SRSF7: variants seen among roughly 807,000 people sequenced by gnomAD.
SRSF7 encodes the protein serine/arginine-rich splicing factor 7.
In SRSF7, 15 loss-of-function variants were observed where a neutral mutation model predicts 42.2. The ratio of observed to expected loss-of-function variants is 0.36; its 90% CI spans 0.24 to 0.55. The LOEUF is 0.55. SRSF7 is among the 20% of genes least tolerant of loss of function. The probability of loss-of-function intolerance (pLI) is 0.88; values close to 1 mark genes in which losing one functional copy is unlikely to be tolerated. For missense variants in SRSF7, 181 were observed against 305.9 expected (o/e 0.59, Z 3.04); for synonymous variants, 138 against 107.9 (o/e 1.28, Z -1.73).
intron 7 of SRSF7, 138 bp from the exon 8 acceptor site, chr2:38,745,325 T>C (rs1239500501): frequency 1.2e-6 from 1 of 854,836 alleles, no homozygotes; most frequent in Non-Finnish European, 1.9e-6. Flanking sequence ...GACATGAAAC[T>C]TACATATATT....
upstream of SRSF7, chr2:38,751,390 A>C (rs1042240009): frequency 1.7e-6 from 2 of 1,191,836 alleles, no homozygotes; most frequent in Non-Finnish European, 2.4e-6. Context: ...GCGTTTATAT[A>C]TGCGGCCGCT....
intron 1 of SRSF7, chr2:38,751,015 ATGC>A (rs1421219724): frequency 3.4e-6 from 2 of 580,504 alleles, no homozygotes; most frequent in Non-Finnish European, 6.2e-6. Flanking sequence ...GGCCACAAAA[ATGC>A]CCAAGAGTAC....
chr2:38,746,977 A>G (rs908679031), intron 5 of SRSF7: 26 of 709,930 alleles, frequency 3.7e-5, no homozygotes, highest in Admixed American at 8.9e-5. Flanking sequence ...CTGTACAGGT[A>G]TAACATTCTC....
chr2:38,750,058 T>C lies in SRSF7; in HGVS notation c.165A>G (p.Glu55=). 6.2e-7 allele frequency: 1 copy of C among 1,613,834 alleles called. No individual in the cohort carries two copies. Among genetic ancestry groups the C allele is most frequent in the Non-Finnish European group, 8.5e-7 (1 of 1,179,972 alleles). ...NPPGFAFVEF[E]DPRDAEDAVR... The stretch of plus-strand genomic sequence containing the variant: ...CTGCATCTTCTGCATCTCTAGGATC[T>C]TCGAATTCCACAAAGGCAAATCCTG... The change falls in exon 2 of 8, where the codon GAA becomes GAG. Residue 55 remains glutamate (E), a synonymous_variant. Transcript: ENST00000313117.
At chr2:38,748,192 T>C (rs1454697417) in intron 4 of SRSF7, 35 bp from the exon 5 acceptor site, 3 of 1,334,468 alleles carry the variant, frequency 2.2e-6, no homozygotes, top group Non-Finnish European at 3.1e-6. Flanking sequence ...TCTCCACAGT[T>C]TTTTTTTTTT....
Position 38,744,554 on chromosome 2 carries a change from T to C in SRSF7, c.*579A>G. On this transcript the variant is annotated 3_prime_UTR_variant, in exon 8 of 8. Transcript: ENST00000313117. Reference sequence around the variant, plus strand: ...TCGTTTAGTTCCTGTCATGCTCATTTAGACACATCAGTGGTCCTACTTGCT... The same window carrying C: ...TCGTTTAGTTCCTGTCATGCTCATTCAGACACATCAGTGGTCCTACTTGCT... The C allele has an allele frequency of 6.6e-6, 1 of 152,462 alleles. No homozygotes were observed. The highest frequency in any genetic ancestry group is 6.5e-5 in the Admixed American group (1 of 15,302). The allele number at this position is 152,462 out of a possible 1,614,324, so 9.4% of individuals were successfully genotyped here.
chr2:38,750,105 C>T lies in SRSF7; in HGVS notation c.118G>A (p.Val40Ile). The T allele has an allele frequency of 6.2e-7, 1 of 1,613,938 alleles. No individual in the cohort carries two copies. The highest frequency in any genetic ancestry group is 8.5e-7 in the Non-Finnish European group (1 of 1,179,990). The part of the protein sequence containing the change: ...AFSYYGPLRT[V>I]WIARNPPGFA... Reference sequence around the variant, plus strand: ...CCTGGAGGATTTCTCGCAATCCATACAGTTCTTAAAGGACCATAATAACTG... The same window carrying T: ...CCTGGAGGATTTCTCGCAATCCATATAGTTCTTAAAGGACCATAATAACTG... Residue 40 changes from valine (V) to isoleucine (I), a missense_variant, in exon 2 of 8, where the codon GTA (valine) becomes ATA (isoleucine). Val to Ile is a conservative substitution (Grantham distance 29). Coordinates refer to ENST00000313117, the MANE Select transcript of SRSF7 (RefSeq NM_001031684.3).
chr2:38,748,740 A>G, intron 3 of SRSF7, 87 bp from the exon 4 acceptor site: 4 of 1,408,042 alleles, frequency 2.8e-6, no homozygotes, highest in Non-Finnish European at 4.0e-6. Context: ...TCAAATCTCA[A>G]AACTATTTAA....
At chr2:38,749,822 ACTTTGGCGGT>A in intron 2 of SRSF7, 117 bp from the exon 3 acceptor site, 1 of 1,305,376 alleles carries the variant, frequency 7.7e-7, no homozygotes, top group Non-Finnish European at 1.0e-6. Context: ...CCCCCAACAA[ACTTTGGCGGT>A]CTTTACCAAG....
At chr2:38,745,261 A>T (rs532245067) in intron 7 of SRSF7, 74 bp from the exon 8 acceptor site, 5 of 1,517,440 alleles carry the variant, frequency 3.3e-6, no homozygotes, top group East Asian at 4.5e-5. Context: ...CTAACTTTCA[A>T]TAACTTCAAA....
chr2:38,743,707 C>T lies in SRSF7; in HGVS notation c.*1426G>A. The T allele has an allele frequency of 6.6e-6, 1 of 152,666 alleles. No individual in the cohort carries two copies. Among genetic ancestry groups the T allele is most frequent in the Admixed American group, 6.5e-5 (1 of 15,282 alleles). The allele number at this position is 152,666 out of a possible 1,614,324, so 9.5% of individuals were successfully genotyped here. ...CAGATAAATAAGCCTGCCAGTTATA[C>T]ACATAACTTTATACCAACCATAATT... On this transcript the variant is annotated 3_prime_UTR_variant, in exon 8 of 8. Transcript: ENST00000313117.
At chr2:38,749,129 A>C in intron 3 of SRSF7, 30 of 1,317,162 alleles carry the variant, frequency 2.3e-5, no homozygotes, top group Non-Finnish European at 2.9e-5. Flanking sequence ...CCCAATTGTA[A>C]GCCAAATTTA....
intron 6 of SRSF7, 27 bp downstream of exon 6, chr2:38,746,667 A>G (rs745306108): frequency 4.3e-5 from 70 of 1,612,002 alleles, no homozygotes; most frequent in Non-Finnish European, 5.8e-5. Context: ...ATATAACTAG[A>G]AAAGCATAAT....
intron 1 of SRSF7, among the ~76,000 whole-genome samples, chr2:38,750,544 G>A (rs965124860): frequency 1.3e-5 from 2 of 151,636 alleles, no homozygotes; most frequent in Non-Finnish European, 2.9e-5. Flanking sequence ...CAGCGGCAGC[G>A]GCGTCGGCGG....
At chr2:38,750,547 G>A (rs565247970) in intron 1 of SRSF7, among the ~76,000 whole-genome samples, 7 of 151,618 alleles carry the variant, frequency 4.6e-5, no homozygotes, top group Non-Finnish European at 8.8e-5. Flanking sequence ...CGGCAGCGGC[G>A]TCGGCGGCGG....
Position 38,751,340 on chromosome 2 carries a change from C to G in SRSF7, c.-84G>C. ...AAAAGCTGACACACACCTTCACCCG[C>G]CAAGAGTCCCGGCGGCACTACGAGG... On this transcript the variant is annotated 5_prime_UTR_variant, in exon 1 of 8. Coordinates refer to ENST00000313117, the MANE Select transcript of SRSF7 (RefSeq NM_001031684.3). 9 of 1,593,438 alleles carry G rather than the reference C, an allele frequency of 5.6e-6. No individual in the cohort carries two copies. The African/African-American group carries it at 9.4e-5, about 17-fold the overall frequency.
Position 38,746,689 on chromosome 2 carries a change from C to G in SRSF7, c.626+5G>C, listed in dbSNP as rs770177732. On this transcript the variant is annotated splice_donor_5th_base_variant and intron_variant, in intron 6 of 7. Coordinates refer to ENST00000313117, the MANE Select transcript of SRSF7 (RefSeq NM_001031684.3). ...TAGAAAAGCATAATCAAATTTTTAC[C>G]CTACCTGCTTCTTGGTCGTGAAATA... 9.9e-6 allele frequency: 16 copies of G among 1,613,102 alleles called. No homozygotes were observed. The highest frequency in any genetic ancestry group is 1.2e-5 in the Non-Finnish European group (14 of 1,179,788).
intron 1 of SRSF7, 144 bp from the exon 2 acceptor site, chr2:38,750,338 A>G: frequency 1.5e-6 from 1 of 656,034 alleles, no homozygotes; most frequent in Non-Finnish European, 2.5e-6. Context: ...CTTAGTCGTA[A>G]AACTGGTGAA....
In SRSF7 at chr2:38,743,635, A is replaced by G; in HGVS notation, c.*1498T>C. 45 of 152,802 alleles carry G rather than the reference A, an allele frequency of 2.9e-4. 2 individuals are homozygous for G. The East Asian group carries it at 8.7e-3, about 29-fold the overall frequency. 9.5% of individuals were successfully genotyped at this position (152,802 alleles called of 1,614,324 possible). On this transcript the variant is annotated 3_prime_UTR_variant, in exon 8 of 8. Transcript: ENST00000313117. ...ATCTCTGCAGATTTATTGTTGAGTA[A>G]ACTTATCTTTAAATAATACAGAACA...
Sources: allele counts gnomAD v4.1 joint callset (sites outside exome capture counted in the v4.1 genomes callset), GRCh38; gene constraint gnomAD v4.1.1; transcripts MANE v1.5; gene names NCBI Gene and HGNC (gene_info 2026-07-23, HGNC 2026-07-21).